The following ACBD6 variants were observed in gnomAD, a reference collection of about 807,000 sequenced individuals.
ACBD6 encodes acyl-CoA binding domain containing 6, also known as acyl-CoA-binding domain-containing protein 6.
In ACBD6, 28 loss-of-function variants were observed where a neutral mutation model predicts 37.2. That is an observed-to-expected ratio of 0.75 (90% CI 0.56 to 1.03). The LOEUF is 1.03. ACBD6 is among the 50% of genes least tolerant of loss of function. ACBD6 has a pLI of 0.00. For missense variants in ACBD6, 340 were observed against 337.4 expected, an observed-to-expected ratio of 1.01 and a Z score of -0.06; for synonymous variants, 113 against 126.8, an observed-to-expected ratio of 0.89 and a Z score of 0.73.
intron 3 of ACBD6, chr1:180,434,826 T>A (rs1648955471): frequency 2.7e-6 from 2 of 730,852 alleles, no homozygotes; most frequent in African/African-American, 3.5e-5. Context: ...CGAATGCCAA[T>A]CTTGGCAAAT....
chr1:180,469,556 A>G (rs773993720), intron 3 of ACBD6, among the ~76,000 whole-genome samples: 7 of 152,224 alleles, frequency 4.6e-5, no homozygotes, highest in Non-Finnish European at 8.8e-5. Flanking sequence ...CATGCAACTG[A>G]CAGATTCAAT....
intron 6 of ACBD6, among the ~76,000 whole-genome samples, chr1:180,335,077 A>G (rs1651647097): frequency 6.6e-6 from 1 of 152,232 alleles, no homozygotes; most frequent in African/African-American, 2.4e-5. Context: ...ACCAAGTTGG[A>G]AAACACTCTG....
At chr1:180,495,377 T>C in intron 2 of ACBD6, 84 bp downstream of exon 2, 1 of 981,716 alleles carries the variant, frequency 1.0e-6, no homozygotes, top group Non-Finnish European at 1.5e-6. Flanking sequence ...TAAAAATAAT[T>C]CTTTAATCAG....
At chr1:180,365,715 C>T (rs1037990482) in intron 6 of ACBD6, among the ~76,000 whole-genome samples, 5 of 152,084 alleles carry the variant, frequency 3.3e-5, no homozygotes, top group African/African-American at 7.2e-5. Flanking sequence ...CCACAATAGC[C>T]GTCAAATTTT....
intron 6 of ACBD6, among the ~76,000 whole-genome samples, chr1:180,314,939 T>A (rs955116188): frequency 6.6e-6 from 1 of 152,214 alleles, no homozygotes; most frequent in African/African-American, 2.4e-5. Context: ...GCAGCTACAA[T>A]GGAGTAACAG....
chr1:180,316,034 T>A (rs1364075177), intron 6 of ACBD6, among the ~76,000 whole-genome samples: 1 of 151,974 alleles, frequency 6.6e-6, no homozygotes, highest in African/African-American at 2.4e-5. Context: ...TTTTGCCTAC[T>A]TTTTTTTCTT....
At chr1:180,435,314 T>C (rs1004699719) in intron 3 of ACBD6, 26 of 486,346 alleles carry the variant, frequency 5.3e-5, no homozygotes, top group Non-Finnish European at 9.2e-5. Context: ...AGTGGCAGGA[T>C]CTCAGCTCAC....
At chr1:180,482,826 T>C (rs1651105153) in intron 3 of ACBD6, among the ~76,000 whole-genome samples, 1 of 152,158 alleles carries the variant, frequency 6.6e-6, no homozygotes, top group Non-Finnish European at 1.5e-5. Flanking sequence ...CAGTCACAAG[T>C]GAAAAGATAC....
chr1:180,378,187 T>C (rs1449630128), intron 6 of ACBD6, among the ~76,000 whole-genome samples: 8 of 152,134 alleles, frequency 5.3e-5, no homozygotes, highest in South Asian at 2.1e-4. Context: ...AAGAAGGGCA[T>C]ATCACTTCTG....
At position 180,288,281 on chromosome 1, in the gene ACBD6, GGAAAAGAA is replaced by G; in HGVS notation, c.*74_*81del. 1 of 1,583,856 alleles carries G rather than the reference GGAAAAGAA, an allele frequency of 6.3e-7. No individual in the cohort carries two copies. Among genetic ancestry groups the G allele is most frequent in the South Asian group, 1.1e-5 (1 of 88,884 alleles). On this transcript the variant is annotated 3_prime_UTR_variant, in exon 8 of 8. Coordinates refer to ENST00000367595, the MANE Select transcript of ACBD6 (RefSeq NM_032360.4). The stretch of plus-strand genomic sequence containing the variant: ...TAGCCAATACATACCAAAGACGGGT[GGAAAAGAA>G]GTATTATTTTTGTAGTTTTCTTTCA...
intron 3 of ACBD6, among the ~76,000 whole-genome samples, chr1:180,445,965 T>C (rs147112573): frequency 5.1e-4 from 77 of 152,276 alleles, no homozygotes; most frequent in Non-Finnish European, 9.4e-4. Flanking sequence ...TATTACATAC[T>C]GACAATATTC....
intron 3 of ACBD6, among the ~76,000 whole-genome samples, chr1:180,438,637 C>T (rs1441028332): frequency 6.6e-6 from 1 of 151,944 alleles, no homozygotes; most frequent in East Asian, 1.9e-4. Flanking sequence ...GAAAAATGAA[C>T]AAAAAATAGG....
intron 3 of ACBD6, among the ~76,000 whole-genome samples, chr1:180,481,165 T>G (rs538481029): frequency 2.0e-5 from 3 of 152,160 alleles, no homozygotes; most frequent in Non-Finnish European, 4.4e-5. Context: ...AACCACAACC[T>G]TGTGATTCTC....
intron 4 of ACBD6, among the ~76,000 whole-genome samples, chr1:180,421,304 T>C (rs1472668088): frequency 2.0e-5 from 3 of 152,218 alleles, no homozygotes; most frequent in Non-Finnish European, 2.9e-5. Context: ...ACTAAGGACA[T>C]TGGCTTCCAA....
intron 6 of ACBD6, among the ~76,000 whole-genome samples, chr1:180,353,775 T>C (rs2101895623): frequency 1.8e-4 from 1 of 5,542 alleles, no homozygotes. Context: ...CATAAAACAG[T>C]TAACAACCAC....
chr1:180,463,074 G>A (rs1650212450), intron 3 of ACBD6, among the ~76,000 whole-genome samples: 1 of 152,116 alleles, frequency 6.6e-6, no homozygotes, highest in Non-Finnish European at 1.5e-5. Flanking sequence ...ACACAGCTAA[G>A]GCAGTGTTAA....
At chr1:180,419,827 C>T (rs1648279862) in intron 4 of ACBD6, among the ~76,000 whole-genome samples, 1 of 152,206 alleles carries the variant, frequency 6.6e-6, no homozygotes, top group Non-Finnish European at 1.5e-5. Context: ...AGGGGCTGGT[C>T]TTGCTGTCTC....
intron 6 of ACBD6, among the ~76,000 whole-genome samples, chr1:180,352,482 C>A (rs1323892950): frequency 6.6e-6 from 1 of 152,032 alleles, no homozygotes. Flanking sequence ...AGCCTCCGCA[C>A]CCAGCCATAT....
At chr1:180,283,665 C>T (rs1325010596), downstream of ACBD6, among the ~76,000 whole-genome samples, 1 of 152,094 alleles carries the variant, frequency 6.6e-6, no homozygotes, top group Non-Finnish European at 1.5e-5. Context: ...GAAATAATTA[C>T]ATTTGTTTTG....
Sources: allele counts gnomAD v4.1 joint callset (sites outside exome capture counted in the v4.1 genomes callset), GRCh38; gene constraint gnomAD v4.1.1; transcripts MANE v1.5; gene names NCBI Gene and HGNC (gene_info 2026-07-23, HGNC 2026-07-21).